The following FANCA variants were observed in gnomAD, a reference collection of about 807,000 sequenced individuals.
The protein encoded by FANCA is Fanconi anemia group A protein.
A neutral mutation model predicts 194.3 loss-of-function variants in FANCA; 236 were observed. That is an observed-to-expected ratio of 1.21 (90% CI 1.09 to 1.35). The LOEUF is 1.35. Among genes scored for constraint, FANCA ranks in the 40% most tolerant of loss-of-function variants. FANCA has a pLI of 0.00. For synonymous variants in FANCA, 1,014 were observed against 715.8 expected (o/e 1.42, Z -6.65); for missense variants, 2,628 against 1,813.9 (o/e 1.45, Z -8.15).
chr16:89,791,484 G>A lies in FANCA; in HGVS notation c.1278C>T (p.Ser426=). 5 of 1,614,166 alleles carry A rather than the reference G, an allele frequency of 3.1e-6. No individual in the cohort carries two copies. Among genetic ancestry groups the A allele is most frequent in the Non-Finnish European group, 4.2e-6 (5 of 1,180,016 alleles). ...AQAFESCQLD[S]MVTAFLVVRQ... is the part of the protein sequence containing the mutation. Reference sequence around the variant, plus strand: ...GCACAACCAGGAACGCAGTGACCATGCTGTCCAGCTGGCAGCTCTCGAATG... The same window carrying A: ...GCACAACCAGGAACGCAGTGACCATACTGTCCAGCTGGCAGCTCTCGAATG... The change falls in exon 14 of 43, where the codon AGC becomes AGT. Residue 426 remains serine, a synonymous_variant. Coordinates refer to ENST00000389301, the MANE Select transcript of FANCA (RefSeq NM_000135.4).
chr16:89,801,817 G>A (rs2040464020), intron 8 of FANCA, among the ~76,000 whole-genome samples: 1 of 152,030 alleles, frequency 6.6e-6, no homozygotes, highest in African/African-American at 2.4e-5. Flanking sequence ...GAACCTGGGA[G>A]GCAGAGGTTG....
chr16:89,803,244 G>C lies in FANCA; in HGVS notation c.792+15C>G, dbSNP rs199866285. The C allele has an allele frequency of 8.7e-6, 14 of 1,612,834 alleles. No homozygotes were observed. Among genetic ancestry groups the C allele is most frequent in the East Asian group, 4.5e-5 (2 of 44,874 alleles). On this transcript the variant is annotated intron_variant, in intron 8 of 42. Coordinates refer to ENST00000389301, the MANE Select transcript of FANCA (RefSeq NM_000135.4). ...GCTCCTTCCGCTAAACTCTTCACTTGACTTTTCCTCCTACCTGCGGCATTT... is the reference window on the plus strand; with the variant it reads ...GCTCCTTCCGCTAAACTCTTCACTTCACTTTTCCTCCTACCTGCGGCATTT...
At position 89,803,267 on chromosome 16, in the gene FANCA, T is replaced by C; in HGVS notation, c.784A>G (p.Met262Val). Residue 262 changes from methionine (M) to valine (V), a missense_variant, in exon 8 of 43, where the codon ATG (methionine) becomes GTG (valine). Met to Val is a conservative substitution (Grantham distance 21, BLOSUM62 1). Coordinates refer to ENST00000389301, the MANE Select transcript of FANCA (RefSeq NM_000135.4). ...DLRRTVEPEK[M>V]PQVTVDVLQR... ...TTGACTTTTCCTCCTACCTGCGGCA[T>C]TTTTTCAGGCTCCACAGTTCTTCTC... 1 of 1,613,672 alleles carries C rather than the reference T, an allele frequency of 6.2e-7. No homozygotes were observed. Among genetic ancestry groups the C allele is most frequent in the Non-Finnish European group, 8.5e-7 (1 of 1,179,562 alleles).
At chr16:89,805,459 C>T in intron 6 of FANCA, 67 bp from the exon 7 acceptor site, 1 of 1,297,038 alleles carries the variant, frequency 7.7e-7, no homozygotes, top group Non-Finnish European at 1.1e-6. Context: ...TTGAGTTGAG[C>T]CATATGTCCC....
At position 89,757,249 on chromosome 16, in the gene FANCA, T is replaced by G. The variant is rs2038797562; in HGVS notation, c.2981+1328A>C. 1.3e-5 allele frequency among the ~76,000 whole-genome samples: 2 copies of G among 152,126 alleles called. 1 individual carries two copies. Among genetic ancestry groups the G allele is most frequent in the South Asian group, 4.1e-4 (2 of 4,830 alleles). ...TGCTGAGATTCCAGGCATGAGCCAC[T>G]GCGCCCAGCCTCAAGGTTGTTTTGA... On this transcript the variant is annotated intron_variant, in intron 30 of 42. Coordinates refer to ENST00000389301, the MANE Select transcript of FANCA (RefSeq NM_000135.4).
rs138216948 is a variant in FANCA at position 89,765,103 on chromosome 16, G to A, written c.2602-37C>T. 142 of 1,610,796 alleles carry A rather than the reference G, an allele frequency of 8.8e-5. No individual in the cohort carries two copies. In the East Asian group the frequency reaches 1.9e-3, roughly 22 times the overall value. On this transcript the variant is annotated intron_variant, in intron 27 of 42. Transcript: ENST00000389301. The stretch of plus-strand genomic sequence containing the variant: ...AGTGACCCGGCCGTTTCTTCATTGC[G>A]CAAGTTTCACTGTGAGTGGCTGAGC...
intron 23 of FANCA, 105 bp downstream of exon 23, chr16:89,771,573 T>G: frequency 7.4e-7 from 1 of 1,355,228 alleles, no homozygotes; most frequent in Admixed American, 1.7e-5. Context: ...CGACACTAAC[T>G]GAGCAAGTCA....
rs928016876 is a variant in FANCA, at chr16:89,816,611, G to C, written c.5C>G (p.Ser2Cys). The C allele has an allele frequency of 7.9e-6, 12 of 1,525,038 alleles. No individual in the cohort carries two copies. Among genetic ancestry groups the C allele is most frequent in the African/African-American group, 1.4e-5 (1 of 70,562 alleles). 94.5% of individuals were successfully genotyped at this position (1,525,038 alleles called of 1,614,324 possible). A position where few individuals can be genotyped will look rare whatever the true frequency, so the allele number is the denominator to read the frequency against. M[S>C]DSWVPNSASG... ...GGCGGAGTTCGGGACCCACGAGTCG[G>C]ACATGGCCTTGGCGCCTACAGCCCC... is the stretch of plus-strand genomic sequence containing the variant. The change falls in exon 1 of 43, where the codon TCC becomes TGC. Residue 2 changes from serine to cysteine, a missense_variant. Transcript: ENST00000389301.
chr16:89,816,365 C>A (rs952680297), intron 1 of FANCA, 172 bp downstream of exon 1: 20 of 381,274 alleles, frequency 5.2e-5, no homozygotes, highest in Non-Finnish European at 7.3e-5. Context: ...CAGGAGGGGC[C>A]GGGTCCGAGG....
intron 27 of FANCA, 140 bp from the exon 28 acceptor site, chr16:89,765,206 G>C: frequency 2.9e-6 from 3 of 1,030,518 alleles, no homozygotes; most frequent in Non-Finnish European, 4.4e-6. Flanking sequence ...CCAGCCCCTG[G>C]GAGGGCGCAA....
At chr16:89,746,793 C>T (rs763558212) in intron 34 of FANCA, 38 bp downstream of exon 34, 1 of 1,578,606 alleles carries the variant, frequency 6.3e-7, no homozygotes, top group Non-Finnish European at 8.6e-7. Flanking sequence ...CCACGGCGTT[C>T]TGAGAAGGCC....
chr16:89,752,292 T>G, intron 30 of FANCA, 70 bp from the exon 31 acceptor site: 1 of 1,248,312 alleles, frequency 8.0e-7, no homozygotes, highest in Non-Finnish European at 1.2e-6. Context: ...GTTCTCCTCC[T>G]GCCTCCGGAG....
Position 89,816,533 on chromosome 16 carries a change from C to T in FANCA, c.79+4G>A, listed in dbSNP as rs2041136967. On this transcript the variant is annotated splice_donor_region_variant and intron_variant, in intron 1 of 42. Transcript: ENST00000389301. ...CACTCCCGCGGCCTGCCGCGCCCACCTACCCAGCAGCTCGGCCCAGGCCCT... is the reference window on the plus strand; with the variant it reads ...CACTCCCGCGGCCTGCCGCGCCCACTTACCCAGCAGCTCGGCCCAGGCCCT... 15 of 1,493,100 alleles carry T rather than the reference C, an allele frequency of 1.0e-5. No individual in the cohort carries two copies. In the East Asian group the frequency reaches 3.9e-4, roughly 39 times the overall value. The allele number at this position is 1,493,100 out of a possible 1,614,324, so 92.5% of individuals were successfully genotyped here.
intron 30 of FANCA, among the ~76,000 whole-genome samples, chr16:89,755,511 G>C (rs2038738201): frequency 6.6e-6 from 1 of 152,094 alleles, no homozygotes; most frequent in African/African-American, 2.4e-5. Context: ...GGCCCAAAAT[G>C]TTTTCTGATC....
chr16:89,749,273 C>T (rs899565405), intron 32 of FANCA, among the ~76,000 whole-genome samples: 5 of 152,180 alleles, frequency 3.3e-5, no homozygotes, highest in African/African-American at 9.6e-5. Flanking sequence ...TGTGCAATGG[C>T]GTGATCTCGG....
In FANCA at chr16:89,739,161, G is replaced by T; in HGVS notation, c.4139C>A (p.Ala1380Asp). The change falls in exon 41 of 43, where the codon GCT becomes GAT. Residue 1380 changes from alanine to aspartate, a missense_variant. Transcript: ENST00000389301. ...ACCCTTGAGCTCCAGGCTCCTGCCA[G>T]CTGGAGGTGAAACTGTGCTTGTATC... ...AGDTSTVSPPAGRSLELKGQG... is the reference protein window; with the variant it reads ...AGDTSTVSPPDGRSLELKGQG... 1 of 1,614,178 alleles carries T rather than the reference G, an allele frequency of 6.2e-7. No individual in the cohort carries two copies. The highest frequency in any genetic ancestry group is 8.5e-7 in the Non-Finnish European group (1 of 1,180,044).
At chr16:89,746,556 A>G (rs978663587) in intron 35 of FANCA, 28 bp downstream of exon 35, 4 of 1,599,396 alleles carry the variant, frequency 2.5e-6, no homozygotes, top group Non-Finnish European at 2.6e-6. Context: ...TCCCCAAAAC[A>G]AAACACCAAA....
At chr16:89,809,641 G>A (rs887553929) in intron 5 of FANCA, among the ~76,000 whole-genome samples, 5 of 151,712 alleles carry the variant, frequency 3.3e-5, no homozygotes, top group Non-Finnish European at 5.9e-5. Context: ...TCTGAGGTCA[G>A]GAGTTTGAGA....
chr16:89,755,219 T>A (rs2038728225), intron 30 of FANCA, among the ~76,000 whole-genome samples: 1 of 152,090 alleles, frequency 6.6e-6, no homozygotes, highest in African/African-American at 2.4e-5. Flanking sequence ...ACAATTTTTT[T>A]TTTTTTTTTG....
Sources: gnomAD v4.1 joint callset for allele counts (sites outside exome capture counted in the v4.1 genomes callset) on GRCh38, gnomAD v4.1.1 for gene constraint, MANE v1.5 for transcripts, NCBI Gene and HGNC (gene_info 2026-07-23, HGNC 2026-07-21) for gene names.